IL24: variants seen among roughly 807,000 people sequenced by gnomAD.
IL24 encodes the protein interleukin-24.
Under a neutral mutation model 27.6 loss-of-function variants are expected in IL24, and 24 were observed. The ratio of observed to expected loss-of-function variants is 0.87; its 90% CI spans 0.63 to 1.22. The LOEUF (loss-of-function observed/expected upper bound fraction) is 1.22. Among genes scored for constraint, IL24 ranks in the 50% most tolerant of loss-of-function variants. The pLI is 0.00. For synonymous variants in IL24, 99 were observed against 93.1 expected (o/e 1.06, Z -0.36); for missense variants, 240 against 237.0 (o/e 1.01, Z -0.08).
At chr1:206,900,256 C>A (rs372179362) in intron 3 of IL24, 39 bp from the exon 4 acceptor site, 82 of 1,591,454 alleles carry the variant, frequency 5.2e-5, no homozygotes, top group Admixed American at 3.0e-4. Flanking sequence ...TCTATGCTGA[C>A]CCCTAACCTG....
In IL24 at chr1:206,903,150, C is replaced by A; in HGVS notation, c.*91C>A. On this transcript the variant is annotated 3_prime_UTR_variant, in exon 7 of 7. Coordinates refer to ENST00000294984, the MANE Select transcript of IL24 (RefSeq NM_006850.3). ...CCCTTCCTATGCTGTTCACTGGACA[C>A]TTCACGCCCTTGGCCATGGGTCCCA... 1 of 1,096,438 alleles carries A rather than the reference C, an allele frequency of 9.1e-7. No individual in the cohort carries two copies. Among genetic ancestry groups the A allele is most frequent in the South Asian group, 1.3e-5 (1 of 78,314 alleles). 67.9% of individuals were successfully genotyped at this position (1,096,438 alleles called of 1,614,324 possible). A position where few individuals can be genotyped will look rare whatever the true frequency, so the allele number is the denominator to read the frequency against.
chr1:206,901,645 A>T lies in IL24; in HGVS notation c.455A>T (p.Gln152Leu). Residue 152 changes from glutamine (Q) to leucine (L), a missense_variant, in exon 5 of 7, where the codon CAA becomes CTA. Physicochemically the swap from Gln to Leu is moderately radical, Grantham distance 113 (BLOSUM62 -2). Coordinates refer to ENST00000294984, the MANE Select transcript of IL24 (RefSeq NM_006850.3). ...TTTGTTCTCATCGTGTCACAACTGC[A>T]ACCCAGTGTGAGTAGCACACGCTCT... ...NNFVLIVSQL[Q>L]PSQENEMFSI... 1 of 1,613,326 alleles carries T rather than the reference A, an allele frequency of 6.2e-7. No homozygotes were observed. Among genetic ancestry groups the T allele is most frequent in the Non-Finnish European group, 8.5e-7 (1 of 1,179,338 alleles).
chr1:206,900,404 T>C, intron 4 of IL24, 47 bp downstream of exon 4: 3 of 1,540,046 alleles, frequency 1.9e-6, no homozygotes, highest in Non-Finnish European at 2.7e-6. Context: ...GGGTCTACTG[T>C]GGGTGGGAGT....
rs1678209614 is a variant in IL24 at position 206,897,598 on chromosome 1, T to C, written c.-120T>C. On this transcript the variant is annotated 5_prime_UTR_variant, in exon 1 of 7. Coordinates refer to ENST00000294984, the MANE Select transcript of IL24 (RefSeq NM_006850.3). ...CCTCCAGGCAGCCAGCCCTCAAGCA[T>C]CACTTACAGGACCAGAGGTGAGCAT... The C allele has an allele frequency of 2.9e-6, 1 of 349,756 alleles. No individual in the cohort carries two copies. Among genetic ancestry groups the C allele is most frequent in the East Asian group, 4.7e-5 (1 of 21,084 alleles). The allele number at this position is 349,756 out of a possible 1,614,324, so 21.7% of individuals were successfully genotyped here. A position where few individuals can be genotyped will look rare whatever the true frequency, so the allele number is the denominator to read the frequency against.
chr1:206,897,744 C>A lies in IL24; in HGVS notation c.-89C>A. On this transcript the variant is annotated 5_prime_UTR_variant, in exon 2 of 7. In the 5' UTR this introduces an upstream ATG that the reference lacks. Coordinates refer to ENST00000294984, the MANE Select transcript of IL24 (RefSeq NM_006850.3). ...GTGTTGATGTAGGGACAAGACATGA[C>A]TGTGATGAGGAGCTGCTTTCGCCAA... is the stretch of plus-strand genomic sequence containing the variant. 2 of 1,380,840 alleles carry A rather than the reference C, an allele frequency of 1.4e-6. No homozygotes were observed. Among genetic ancestry groups the A allele is most frequent in the Non-Finnish European group, 2.0e-6 (2 of 975,736 alleles). The allele number at this position is 1,380,840 out of a possible 1,614,324, so 85.5% of individuals were successfully genotyped here. A position where few individuals can be genotyped will look rare whatever the true frequency, so the allele number is the denominator to read the frequency against.
intron 4 of IL24, among the ~76,000 whole-genome samples, chr1:206,901,175 G>A (rs1329825602): frequency 6.6e-6 from 1 of 152,178 alleles, no homozygotes; most frequent in Non-Finnish European, 1.5e-5. Flanking sequence ...CTGTTAAAGA[G>A]GCCATGTGGC....
In IL24 at chr1:206,899,470, T is replaced by TC; in HGVS notation, c.199dup (p.Gln67ProfsTer19). The TC allele has an allele frequency of 1.2e-6, 2 of 1,613,344 alleles. No homozygotes were observed. Among genetic ancestry groups the TC allele is most frequent in the Non-Finnish European group, 1.7e-6 (2 of 1,179,582 alleles). The stretch of plus-strand genomic sequence containing the variant: ...GGCCCTGCCAAGTGAAGGGGGTTGT[T>TC]CCCCAGAAACTGTGGGAAGCCTTCT... On this transcript the variant is annotated frameshift_variant, in exon 3 of 7. Coordinates refer to ENST00000294984, the MANE Select transcript of IL24 (RefSeq NM_006850.3). LOFTEE classifies it high-confidence loss of function.
chr1:206,899,248 A>G (rs1678281224), intron 2 of IL24, 72 bp from the exon 3 acceptor site: 2 of 1,496,374 alleles, frequency 1.3e-6, no homozygotes, highest in South Asian at 1.2e-5. Flanking sequence ...AGACCCTCGG[A>G]GCATTTTCCC....
intron 3 of IL24, among the ~76,000 whole-genome samples, chr1:206,899,920 G>A (rs1299353911): frequency 6.6e-6 from 1 of 152,170 alleles, no homozygotes; most frequent in African/African-American, 2.4e-5. Context: ...CTCACCACAT[G>A]GAATATGGAG....
intron 6 of IL24, 121 bp from the exon 7 acceptor site, chr1:206,902,855 C>T (rs552927405): frequency 6.4e-7 from 1 of 1,571,534 alleles, no homozygotes; most frequent in East Asian, 2.3e-5. Context: ...CATCAGTGGG[C>T]TCATCCCAAA....
Position 206,901,640 on chromosome 1 carries a change from A to G in IL24, c.450A>G (p.Gln150=), listed in dbSNP as rs1245693886. ...ACAACTTTGTTCTCATCGTGTCACA[A>G]CTGCAACCCAGTGTGAGTAGCACAC... The part of the protein sequence containing the change: ...LANNFVLIVS[Q]LQPSQENEMF... Residue 150 remains glutamine (Q), a synonymous_variant, in exon 5 of 7, where the codon CAA becomes CAG. Coordinates refer to ENST00000294984, the MANE Select transcript of IL24 (RefSeq NM_006850.3). The G allele has an allele frequency of 3.1e-6, 5 of 1,613,610 alleles. No individual in the cohort carries two copies. Among genetic ancestry groups the G allele is most frequent in the South Asian group, 2.2e-5 (2 of 91,054 alleles).
At position 206,902,962 on chromosome 1, in the gene IL24, T is replaced by C. The variant is rs3093436; in HGVS notation, c.538-14T>C. ...AGCTAACATGGCTGACCTTCAACCC[T>C]CTTTTCCCTTTAGTTGGACGTAGAA... On this transcript the variant is annotated splice_polypyrimidine_tract_variant and intron_variant, in intron 6 of 6. Coordinates refer to ENST00000294984, the MANE Select transcript of IL24 (RefSeq NM_006850.3). 47 of 1,614,174 alleles carry C rather than the reference T, an allele frequency of 2.9e-5. No individual in the cohort carries two copies. The African/African-American group carries it at 6.1e-4, about 21-fold the overall frequency.
chr1:206,900,564 G>A (rs3093445), intron 4 of IL24, among the ~76,000 whole-genome samples: 1,885 of 152,308 alleles, frequency 0.012, 23 homozygotes, highest in Middle Eastern at 0.031. Flanking sequence ...TGGGAGATGG[G>A]GAAGGTGGAG....
At chr1:206,899,174 C>A in intron 2 of IL24, 146 bp from the exon 3 acceptor site, 1 of 796,886 alleles carries the variant, frequency 1.3e-6, no homozygotes, top group Non-Finnish European at 1.9e-6. Flanking sequence ...TGCACCTTAG[C>A]AAGGCTGCCG....
chr1:206,902,561 G>C, intron 6 of IL24: 1 of 947,318 alleles, frequency 1.1e-6, no homozygotes, highest in Non-Finnish European at 1.2e-6. Context: ...AAATGATTTC[G>C]ATCACTTTTT....
intron 4 of IL24, among the ~76,000 whole-genome samples, chr1:206,900,643 AG>A (rs1409712513): frequency 6.6e-6 from 1 of 152,094 alleles, no homozygotes; most frequent in Non-Finnish European, 1.5e-5. Flanking sequence ...TAGGCCCAAT[AG>A]GCATCTACTT....
chr1:206,900,279 C>T lies in IL24; in HGVS notation c.241-16C>T. ...GACCCCTAACCTGGAGACGTCTTTT[C>T]TTTCTGTTTGCCAAGCAAGCTCAGG... On this transcript the variant is annotated splice_polypyrimidine_tract_variant and intron_variant, in intron 3 of 6. Coordinates refer to ENST00000294984, the MANE Select transcript of IL24 (RefSeq NM_006850.3). 1 of 1,613,534 alleles carries T rather than the reference C, an allele frequency of 6.2e-7. No homozygotes were observed. Among genetic ancestry groups the T allele is most frequent in the Non-Finnish European group, 8.5e-7 (1 of 1,179,702 alleles).
In IL24 at chr1:206,899,465, G is replaced by T. The variant is rs1678292056; in HGVS notation, c.190G>T (p.Val64Phe). Residue 64 changes from valine (V) to phenylalanine (F), a missense_variant, in exon 3 of 7, where the codon GTT becomes TTT. Coordinates refer to ENST00000294984, the MANE Select transcript of IL24 (RefSeq NM_006850.3). Reference sequence around the variant, plus strand: ...CTTTGGGCCCTGCCAAGTGAAGGGGGTTGTTCCCCAGAAACTGTGGGAAGC... The same window carrying T: ...CTTTGGGCCCTGCCAAGTGAAGGGGTTTGTTCCCCAGAAACTGTGGGAAGC... ...FHFGPCQVKG[V>F]VPQKLWEAFW... The T allele has an allele frequency of 6.2e-7, 1 of 1,613,390 alleles. No homozygotes were observed. The highest frequency in any genetic ancestry group is 8.5e-7 in the Non-Finnish European group (1 of 1,179,650).
chr1:206,897,951 GAGACC>G (rs1678223554), intron 2 of IL24, 75 bp downstream of exon 2: 1 of 891,328 alleles, frequency 1.1e-6, no homozygotes, highest in African/African-American at 1.7e-5. Context: ...TCAGGAGTTC[GAGACC>G]AGCCTGGCCA....
Sources: allele counts gnomAD v4.1 joint callset (sites outside exome capture counted in the v4.1 genomes callset), GRCh38; gene constraint gnomAD v4.1.1; transcripts MANE v1.5; gene names NCBI Gene and HGNC (gene_info 2026-07-23, HGNC 2026-07-21).